Variants in SPATA6 observed in about 807,000 individuals in gnomAD.
SPATA6 encodes spermatogenesis associated 6, also known as spermatogenesis-associated protein 6.
In SPATA6, 56 loss-of-function variants were observed where a neutral mutation model predicts 65.3. The ratio of observed to expected loss-of-function variants is 0.86; its 90% CI spans 0.69 to 1.07. SPATA6 has a LOEUF of 1.07. Ranked by LOEUF, SPATA6 falls within the 50% of genes least tolerant of loss-of-function variation. The pLI is 0.00. For missense variants in SPATA6, 590 were observed against 594.8 expected, an observed-to-expected ratio of 0.99 and a Z score of 0.08; for synonymous variants, 199 against 213.2, an observed-to-expected ratio of 0.93 and a Z score of 0.58.
In SPATA6 at chr1:48,416,727, C is replaced by T. The variant is rs940247060; in HGVS notation, c.239-3576G>A. Among the ~76,000 whole-genome samples the T allele has an allele frequency of 4.6e-5, 7 of 151,928 alleles. No homozygotes were observed. The South Asian group carries it at 6.2e-4, about 14-fold the overall frequency. On this transcript the variant is annotated intron_variant, in intron 3 of 12. Transcript: ENST00000371847. ...CAAGGACCTTATAAGCAAAGAAAAACGACAGGCAATCTATTTCAGGAACAG... is the reference window on the plus strand; with the variant it reads ...CAAGGACCTTATAAGCAAAGAAAAATGACAGGCAATCTATTTCAGGAACAG...
intron 11 of SPATA6, among the ~76,000 whole-genome samples, chr1:48,339,643 A>C (rs1316598185): frequency 6.6e-6 from 1 of 152,038 alleles, no homozygotes; most frequent in East Asian, 1.9e-4. Context: ...CTAATATAAT[A>C]AATGAATTTA....
intron 9 of SPATA6, among the ~76,000 whole-genome samples, chr1:48,360,847 T>C (rs1401151645): frequency 1.3e-5 from 2 of 152,094 alleles, no homozygotes; most frequent in Non-Finnish European, 2.9e-5. Context: ...AGATTCACAA[T>C]ATATTTAGAA....
intron 11 of SPATA6, among the ~76,000 whole-genome samples, chr1:48,339,435 G>C (rs1490417636): frequency 6.6e-6 from 1 of 151,862 alleles, no homozygotes; most frequent in Non-Finnish European, 1.5e-5. Context: ...GAGTAAAAAA[G>C]ACAAAGCAGA....
chr1:48,351,574 C>T (rs1183552578), intron 11 of SPATA6, among the ~76,000 whole-genome samples: 4 of 152,002 alleles, frequency 2.6e-5, no homozygotes, highest in African/African-American at 7.2e-5. Flanking sequence ...AAGAAATATG[C>T]TTTTTCTTAA....
intron 3 of SPATA6, among the ~76,000 whole-genome samples, chr1:48,442,347 C>T (rs1655571892): frequency 6.6e-6 from 1 of 152,086 alleles, no homozygotes; most frequent in African/African-American, 2.4e-5. Context: ...AACGGAGTTC[C>T]TAACCACTGG....
chr1:48,369,702 G>T (rs1020912255), intron 9 of SPATA6, among the ~76,000 whole-genome samples: 37 of 152,336 alleles, frequency 2.4e-4, no homozygotes, highest in Admixed American at 2.2e-3. Context: ...GATTAGGAAA[G>T]GGAACTCCCT....
intron 9 of SPATA6, among the ~76,000 whole-genome samples, chr1:48,379,153 T>TG (rs1171490308): frequency 3.9e-5 from 6 of 152,144 alleles, no homozygotes; most frequent in African/African-American, 1.4e-4. Flanking sequence ...CTTACAATCA[T>TG]GGCAGAAGGA....
chr1:48,454,141 G>A (rs774287052), intron 1 of SPATA6, among the ~76,000 whole-genome samples: 1 of 151,556 alleles, frequency 6.6e-6, no homozygotes, highest in Non-Finnish European at 1.5e-5. Flanking sequence ...AAAATGTGTG[G>A]TTATTAAATA....
chr1:48,468,286 G>A (rs1657965898), intron 1 of SPATA6, among the ~76,000 whole-genome samples: 1 of 152,154 alleles, frequency 6.6e-6, no homozygotes, highest in Admixed American at 6.5e-5. Context: ...TCACATTGGA[G>A]CCACATAGTA....
intron 8 of SPATA6, among the ~76,000 whole-genome samples, chr1:48,391,907 T>A (rs2248905): frequency 1 from 151,066 of 151,174 alleles, 75,479 homozygotes; most frequent in Middle Eastern, 1. Context: ...GAAAAAAAAA[T>A]TAGGTCAAAT....
intron 1 of SPATA6, among the ~76,000 whole-genome samples, chr1:48,466,827 C>T (rs1657846114): frequency 6.6e-6 from 1 of 151,952 alleles, no homozygotes; most frequent in African/African-American, 2.4e-5. Context: ...TGAAAGAAGC[C>T]AGATCTGTCT....
chr1:48,455,669 C>T (rs558765070), intron 1 of SPATA6, among the ~76,000 whole-genome samples: 5 of 152,246 alleles, frequency 3.3e-5, no homozygotes, highest in South Asian at 2.1e-4. Context: ...CATGAGCCAC[C>T]GCACCTGGCC....
chr1:48,285,874 T>C, the SPATA6 span, among the ~76,000 whole-genome samples: 1 of 152,166 alleles, frequency 6.6e-6, no homozygotes, highest in African/African-American at 2.4e-5. Flanking sequence ...ACCAGAACTG[T>C]TCCTATTCAG....
intron 7 of SPATA6, 28 bp downstream of exon 7, chr1:48,399,323 A>C: frequency 6.3e-7 from 1 of 1,586,628 alleles, no homozygotes; most frequent in Non-Finnish European, 8.6e-7. Flanking sequence ...GATCAGTTTC[A>C]AATAGAAATG....
chr1:48,391,715 G>A (rs1197296071), intron 8 of SPATA6, among the ~76,000 whole-genome samples: 1 of 151,922 alleles, frequency 6.6e-6, no homozygotes, highest in Non-Finnish European at 1.5e-5. Flanking sequence ...AATCTATTTT[G>A]GTTAAGTTAT....
intron 1 of SPATA6, among the ~76,000 whole-genome samples, chr1:48,461,986 C>T (rs1481308628): frequency 6.6e-6 from 1 of 152,192 alleles, no homozygotes; most frequent in African/African-American, 2.4e-5. Context: ...AAATGTGGCA[C>T]ATATACACCG....
chr1:48,431,842 G>A (rs947095109), intron 3 of SPATA6, among the ~76,000 whole-genome samples: 11 of 152,170 alleles, frequency 7.2e-5, no homozygotes, highest in Non-Finnish European at 1.0e-4. Context: ...AGGGTGTAGC[G>A]ACTCACGCAT....
At chr1:48,384,424 G>C (rs1240055140) in intron 9 of SPATA6, among the ~76,000 whole-genome samples, 1 of 103,536 alleles carries the variant, frequency 9.7e-6, no homozygotes, top group Non-Finnish European at 1.9e-5. Context: ...GAGAGGGAGA[G>C]GGGTTTTTCT....
At chr1:48,323,332 AC>A (rs773170215) in intron 11 of SPATA6, among the ~76,000 whole-genome samples, 1 of 150,476 alleles carries the variant, frequency 6.6e-6, no homozygotes, top group Non-Finnish European at 1.5e-5. Flanking sequence ...AAAACCAAAC[AC>A]TGCATGTTCT....
Sources: allele counts gnomAD v4.1 joint callset (sites outside exome capture counted in the v4.1 genomes callset), GRCh38; gene constraint gnomAD v4.1.1; transcripts MANE v1.5; gene names NCBI Gene and HGNC (gene_info 2026-07-23, HGNC 2026-07-21).